The following SPTLC1 variants were observed in gnomAD, a reference collection of about 807,000 sequenced individuals.
SPTLC1 encodes serine palmitoyltransferase 1.
A neutral mutation model predicts 68.9 loss-of-function variants in SPTLC1; 55 were observed. That is an observed-to-expected ratio of 0.80 (90% CI 0.64 to 1.00). The LOEUF is 1.00. SPTLC1 is among the 50% of genes least tolerant of loss of function. The pLI is 0.00. For missense variants in SPTLC1, 449 were observed against 573.1 expected, an observed-to-expected ratio of 0.78 and a Z score of 2.21; for synonymous variants, 197 against 201.6, an observed-to-expected ratio of 0.98 and a Z score of 0.19.
At chr9:92,107,525 G>T (rs191957838) in intron 3 of SPTLC1, among the ~76,000 whole-genome samples, 2 of 152,202 alleles carry the variant, frequency 1.3e-5, no homozygotes, top group Non-Finnish European at 2.9e-5. Flanking sequence ...GGCCGAGGCC[G>T]GCGGATCACA....
intron 3 of SPTLC1, among the ~76,000 whole-genome samples, chr9:92,103,531 T>C (rs911544906): frequency 6.6e-6 from 1 of 152,188 alleles, no homozygotes; most frequent in Non-Finnish European, 1.5e-5. Context: ...CATGACCACC[T>C]GAATGACCTG....
intron 5 of SPTLC1, among the ~76,000 whole-genome samples, chr9:92,078,206 GTACC>G (rs1045064254): frequency 1.3e-5 from 2 of 151,974 alleles, no homozygotes; most frequent in Non-Finnish European, 2.9e-5. Context: ...GCTCTCCTCC[GTACC>G]TACCTACAAA....
chr9:92,050,289 G>T, intron 8 of SPTLC1: 2 of 491,064 alleles, frequency 4.1e-6, no homozygotes, highest in Non-Finnish European at 7.4e-6. Flanking sequence ...TGAAGAATTT[G>T]AATTACCTGA....
At chr9:92,106,789 C>T (rs1564119307) in intron 3 of SPTLC1, among the ~76,000 whole-genome samples, 1 of 152,188 alleles carries the variant, frequency 6.6e-6, no homozygotes, top group Non-Finnish European at 1.5e-5. Context: ...CATTCAGCTG[C>T]AGTTTCAGTG....
intron 6 of SPTLC1, among the ~76,000 whole-genome samples, chr9:92,067,639 T>C (rs1189140878): frequency 2.6e-5 from 4 of 152,126 alleles, no homozygotes; most frequent in African/African-American, 9.7e-5. Context: ...TGGAGAGACT[T>C]TGCCGGGCAG....
chr9:92,102,423 G>A (rs1177738394), intron 3 of SPTLC1, among the ~76,000 whole-genome samples: 1 of 152,190 alleles, frequency 6.6e-6, no homozygotes, highest in Non-Finnish European at 1.5e-5. Flanking sequence ...TCACCCTTGA[G>A]AAAGCTGAAC....
chr9:92,096,142 A>G (rs559157457), intron 3 of SPTLC1, among the ~76,000 whole-genome samples: 1 of 152,342 alleles, frequency 6.6e-6, no homozygotes, highest in South Asian at 2.1e-4. Flanking sequence ...TTTACCTGCA[A>G]AGTAATAGAC....
At chr9:92,108,437 C>G (rs1836085991) in intron 3 of SPTLC1, 1 of 345,170 alleles carries the variant, frequency 2.9e-6, no homozygotes, top group African/African-American at 2.1e-5. Context: ...AGAAAATAAC[C>G]AGATGGGTAA....
intron 3 of SPTLC1, among the ~76,000 whole-genome samples, chr9:92,102,783 A>G (rs575706658): frequency 2.6e-5 from 4 of 152,348 alleles, no homozygotes; most frequent in Admixed American, 6.5e-5. Context: ...AATTAACAAA[A>G]TGACAGAAGT....
intron 12 of SPTLC1, 132 bp from the exon 13 acceptor site, chr9:92,038,497 A>G: frequency 2.7e-6 from 2 of 748,330 alleles, no homozygotes; most frequent in Non-Finnish European, 4.9e-6. Context: ...GATGGGAAGC[A>G]TCATTCCAAT....
chr9:92,074,340 T>C (rs531605407), intron 5 of SPTLC1, among the ~76,000 whole-genome samples: 49 of 152,144 alleles, frequency 3.2e-4, no homozygotes, highest in African/African-American at 1.2e-3. Flanking sequence ...ATGCGCTCCT[T>C]CCTAGTTATC....
At chr9:92,090,127 T>C (rs748369632) in intron 3 of SPTLC1, among the ~76,000 whole-genome samples, 20 of 152,128 alleles carry the variant, frequency 1.3e-4, no homozygotes, top group Non-Finnish European at 2.4e-4. Context: ...AAGAAAGAAA[T>C]ACCTAAAGAC....
chr9:92,034,173 A>T (rs1489662711), intron 14 of SPTLC1, among the ~76,000 whole-genome samples: 1 of 152,172 alleles, frequency 6.6e-6, no homozygotes, highest in Non-Finnish European at 1.5e-5. Context: ...TGCTCTCAAA[A>T]GCCTGAGCAA....
At chr9:92,044,197 C>T (rs1301804591) in intron 12 of SPTLC1, among the ~76,000 whole-genome samples, 6 of 152,044 alleles carry the variant, frequency 3.9e-5, no homozygotes, top group African/African-American at 1.2e-4. Flanking sequence ...TGTGGAGCTC[C>T]AGGTGTGGGA....
At chr9:92,049,518 C>T (rs75052796) in intron 9 of SPTLC1, among the ~76,000 whole-genome samples, 4,560 of 152,208 alleles carry the variant, frequency 0.03, 132 homozygotes, top group South Asian at 0.11. Context: ...CGCACGCACG[C>T]GTAACTGTAT....
chr9:92,046,352 C>T lies in SPTLC1; in HGVS notation c.1082-299G>A, dbSNP rs929410232. Reference sequence around the variant, plus strand: ...TAATCTGGCTAAGAATCAAAGGGTACAAATTTATTGCTTATTTCTTTATCC... The same window carrying T: ...TAATCTGGCTAAGAATCAAAGGGTATAAATTTATTGCTTATTTCTTTATCC... On this transcript the variant is annotated intron_variant, in intron 11 of 14. Coordinates refer to ENST00000262554, the MANE Select transcript of SPTLC1 (RefSeq NM_006415.4). 28 of 341,732 alleles carry T rather than the reference C, an allele frequency of 8.2e-5. No individual in the cohort carries two copies. In the South Asian group the frequency reaches 1.7e-3, roughly 20 times the overall value. 21.2% of individuals were successfully genotyped at this position (341,732 alleles called of 1,614,324 possible). A position where few individuals can be genotyped will look rare whatever the true frequency, so the allele number is the denominator to read the frequency against.
chr9:92,036,054 T>C (rs879517044), intron 13 of SPTLC1, among the ~76,000 whole-genome samples: 6 of 152,192 alleles, frequency 3.9e-5, no homozygotes, highest in Non-Finnish European at 8.8e-5. Flanking sequence ...CCTTCAAATA[T>C]TGAAAAGATG....
intron 6 of SPTLC1, among the ~76,000 whole-genome samples, chr9:92,067,015 A>G (rs940524409): frequency 6.6e-6 from 1 of 151,848 alleles, no homozygotes; most frequent in African/African-American, 2.4e-5. Context: ...AAATAAAAAA[A>G]GGCCAGGTGC....
intron 8 of SPTLC1, chr9:92,051,047 C>A (rs757512258): frequency 3.0e-6 from 3 of 985,276 alleles, no homozygotes; most frequent in Non-Finnish European, 3.6e-6. Context: ...ATTAGCACTG[C>A]TTCATTACTG....
Sources: allele counts gnomAD v4.1 joint callset (sites outside exome capture counted in the v4.1 genomes callset), GRCh38; gene constraint gnomAD v4.1.1; transcripts MANE v1.5; gene names NCBI Gene and HGNC (gene_info 2026-07-23, HGNC 2026-07-21).